Variants in TMEM67 observed in about 807,000 individuals in gnomAD.
The protein encoded by TMEM67 is meckelin.
In TMEM67, 124 loss-of-function variants were observed where a neutral mutation model predicts 136.6. The observed-to-expected ratio is 0.91, with a 90% CI of 0.78 to 1.05. The LOEUF is 1.05. Among genes scored for constraint, TMEM67 ranks in the 50% least tolerant of loss-of-function variants. The pLI is 0.00. For synonymous variants in TMEM67, 364 were observed against 390.5 expected (o/e 0.93, Z 0.80); for missense variants, 1,107 against 1,178.4 (o/e 0.94, Z 0.89).
the TMEM67 span, among the ~76,000 whole-genome samples, chr8:93,829,453 C>A: frequency 2.0e-5 from 3 of 151,940 alleles, no homozygotes; most frequent in Non-Finnish European, 4.4e-5. Flanking sequence ...CAAGCACTAA[C>A]ACTTGCTACA....
chr8:93,758,622 CTTGTTT>C, intron 3 of TMEM67, 46 bp downstream of exon 3: 1 of 1,469,024 alleles, frequency 6.8e-7, no homozygotes. Context: ...AATCTTCATT[CTTGTTT>C]TTGTTTTTAT....
At chr8:93,774,153 T>C (rs746998532) in intron 7 of TMEM67, among the ~76,000 whole-genome samples, 1 of 151,992 alleles carries the variant, frequency 6.6e-6, no homozygotes, top group Non-Finnish European at 1.5e-5. Flanking sequence ...TAGCTAGGAC[T>C]ACAGGGGCAT....
chr8:93,809,277 CT>C, intron 25 of TMEM67, 116 bp downstream of exon 25: 1 of 707,116 alleles, frequency 1.4e-6, no homozygotes. Flanking sequence ...GAACCCCCAC[CT>C]TAAGACCTTC....
At chr8:93,785,769 A>G in intron 12 of TMEM67, 1 of 207,106 alleles carries the variant, frequency 4.8e-6, no homozygotes, top group Non-Finnish European at 9.6e-6. Context: ...ATTTATGAAA[A>G]GTTCAATCAG....
chr8:93,808,340 T>C (rs1462235397), intron 23 of TMEM67, among the ~76,000 whole-genome samples: 4 of 140,380 alleles, frequency 2.8e-5, no homozygotes, highest in Non-Finnish European at 6.1e-5. Context: ...AGATAATAAA[T>C]ATATATATTT....
chr8:93,795,574 G>A, intron 17 of TMEM67, 67 bp downstream of exon 17: 1 of 1,357,130 alleles, frequency 7.4e-7, no homozygotes, highest in Non-Finnish European at 1.1e-6. Flanking sequence ...TCTTTATAAA[G>A]GAACTATTTT....
intron 22 of TMEM67, among the ~76,000 whole-genome samples, chr8:93,804,277 TTTC>T (rs1451260707): frequency 1.3e-5 from 2 of 148,530 alleles, no homozygotes; most frequent in Admixed American, 6.9e-5. Flanking sequence ...GTCAACCCTG[TTTC>T]TTCTTTTCTT....
At chr8:93,804,584 A>T (rs1303278563) in intron 22 of TMEM67, among the ~76,000 whole-genome samples, 178 bp from the exon 23 acceptor site, 11 of 127,472 alleles carry the variant, frequency 8.6e-5, no homozygotes, top group East Asian at 4.6e-4. Flanking sequence ...TCAAACATTT[A>T]AAAAAAAAAA....
At chr8:93,821,723 A>G (rs1020885598), downstream of TMEM67, among the ~76,000 whole-genome samples, 6 of 152,120 alleles carry the variant, frequency 3.9e-5, no homozygotes, top group Non-Finnish European at 1.5e-5. Context: ...ACATGGTGAA[A>G]CCCTGTCTCT....
rs917937495 is a variant in TMEM67 at position 93,760,048 on chromosome 8, A to T, written c.406+1472A>T. 7.6e-6 allele frequency: 10 copies of T among 1,313,946 alleles called. No individual in the cohort carries two copies. The Admixed American group carries it at 2.7e-4, about 35-fold the overall frequency. The allele number at this position is 1,313,946 out of a possible 1,614,324, so 81.4% of individuals were successfully genotyped here. A position where few individuals can be genotyped will look rare whatever the true frequency, so the allele number is the denominator to read the frequency against. On this transcript the variant is annotated intron_variant, in intron 3 of 27. Transcript: ENST00000453321. The stretch of plus-strand genomic sequence containing the variant: ...GCTTTTAAGTGAAAATGCATTCTTT[A>T]TTTTTGGATGGGAAGATTAAATATT...
intron 3 of TMEM67, chr8:93,759,893 C>A: frequency 8.1e-7 from 1 of 1,230,248 alleles, no homozygotes; most frequent in Non-Finnish European, 1.2e-6. Context: ...AGGTGATCTG[C>A]CTGCCTCAGC....
intron 4 of TMEM67, 68 bp from the exon 5 acceptor site, chr8:93,765,338 A>C: frequency 7.9e-7 from 1 of 1,268,934 alleles, no homozygotes; most frequent in South Asian, 1.3e-5. Context: ...GTTTAGAAAG[A>C]CAGCTTTTCT....
intron 7 of TMEM67, among the ~76,000 whole-genome samples, chr8:93,778,522 C>T (rs149909885): frequency 6.6e-6 from 1 of 152,162 alleles, no homozygotes; most frequent in East Asian, 1.9e-4. Context: ...TTAGTGCTTC[C>T]TTCAGGAGCT....
At chr8:93,778,397 A>T (rs919810935) in intron 7 of TMEM67, among the ~76,000 whole-genome samples, 2 of 152,182 alleles carry the variant, frequency 1.3e-5, no homozygotes, top group African/African-American at 2.4e-5. Flanking sequence ...TCCTGTCATT[A>T]TGATGTTAGC....
chr8:93,808,522 A>AG (rs1563480973), intron 23 of TMEM67, among the ~76,000 whole-genome samples: 68 of 9,998 alleles, frequency 6.8e-3, no homozygotes, highest in South Asian at 0.018. Context: ...ATATATTTAT[A>AG]ATCTATATAT....
In TMEM67 at chr8:93,803,619, G is replaced by A; in HGVS notation, c.2257G>A (p.Val753Ile). The A allele has an allele frequency of 6.2e-7, 1 of 1,600,626 alleles. No individual in the cohort carries two copies. Among genetic ancestry groups the A allele is most frequent in the South Asian group, 1.1e-5 (1 of 90,766 alleles). ...IGIIQVVFFA[V>I]FYERFIEDKI... ...AATGTTTCAGGTCGTGTTCTTTGCT[G>A]TCTTTTATGAGAGATTTATAGAAGA... Residue 753 changes from valine to isoleucine, a missense_variant, in exon 22 of 28, where the codon GTC becomes ATC. By Grantham distance (29) the Val-to-Ile change is conservative (BLOSUM62 3). Coordinates refer to ENST00000453321, the MANE Select transcript of TMEM67 (RefSeq NM_153704.6).
chr8:93,794,459 A>G (rs1374532170), intron 16 of TMEM67, among the ~76,000 whole-genome samples: 1 of 152,156 alleles, frequency 6.6e-6, no homozygotes, highest in Non-Finnish European at 1.5e-5. Flanking sequence ...AAGTTAGGTT[A>G]TTATTATTAT....
At chr8:93,829,670 G>T in the TMEM67 span, among the ~76,000 whole-genome samples, 3 of 152,076 alleles carry the variant, frequency 2.0e-5, no homozygotes, top group South Asian at 4.2e-4. Context: ...AATTCGGGAG[G>T]CCCCATTATG....
rs139687110 is a variant in TMEM67 at position 93,786,224 on chromosome 8, C to T, written c.1290C>T (p.Asp430=). 1.9e-6 allele frequency: 3 copies of T among 1,613,716 alleles called. No individual in the cohort carries two copies. The highest frequency in any genetic ancestry group is 1.7e-6 in the Non-Finnish European group (2 of 1,179,830). ...ACTTTTTTCTTTTTATAATAAAAGA[C>T]AGCAACTCTGGAAAGTGGCTTCTAA... is the stretch of plus-strand genomic sequence containing the variant. ...LQHNKIFVNQ[D]SNSGKWLLTR... Residue 430 remains aspartate (D), a splice_region_variant and synonymous_variant, in exon 13 of 28, where the codon GAC becomes GAT. Coordinates refer to ENST00000453321, the MANE Select transcript of TMEM67 (RefSeq NM_153704.6).
Sources: allele counts gnomAD v4.1 joint callset (sites outside exome capture counted in the v4.1 genomes callset), GRCh38; gene constraint gnomAD v4.1.1; transcripts MANE v1.5; gene names NCBI Gene and HGNC (gene_info 2026-07-23, HGNC 2026-07-21).